Variants in FARSB observed in about 807,000 individuals in gnomAD.
FARSB encodes the protein phenylalanine--tRNA ligase beta subunit.
A neutral mutation model predicts 69.6 loss-of-function variants in FARSB; 40 were observed. The ratio of observed to expected loss-of-function variants is 0.57; its 90% confidence interval spans 0.45 to 0.75. The LOEUF is 0.75. FARSB is among the 30% of genes least tolerant of loss of function. The pLI, the probability that FARSB is intolerant of heterozygous loss-of-function variation, is 0.00. For synonymous variants in FARSB, 235 were observed against 247.2 expected, an observed-to-expected ratio of 0.95 and a Z score of 0.46; for missense variants, 632 against 722.9, an observed-to-expected ratio of 0.87 and a Z score of 1.44.
chr2:222,584,333 A>G (rs1452913989), intron 16 of FARSB, among the ~76,000 whole-genome samples: 1 of 152,220 alleles, frequency 6.6e-6, no homozygotes, highest in Non-Finnish European at 1.5e-5. Flanking sequence ...TTTCCATCCA[A>G]TTCCCCCCAA....
chr2:222,648,854 C>T lies in FARSB; in HGVS notation c.59-59G>A. On this transcript the variant is annotated intron_variant, in intron 1 of 16. Coordinates refer to ENST00000281828, the MANE Select transcript of FARSB (RefSeq NM_005687.5). ...CTCTGTTCAGTATAAGTGAAAACTA[C>T]ATACAAACTGCATTTTCTTATTACT... The T allele has an allele frequency of 3.7e-6, 4 of 1,088,244 alleles. No individual in the cohort carries two copies. The Admixed American group carries it at 5.1e-5, about 14-fold the overall frequency. 67.4% of individuals were successfully genotyped at this position (1,088,244 alleles called of 1,614,324 possible). A position where few individuals can be genotyped will look rare whatever the true frequency, so the allele number is the denominator to read the frequency against.
chr2:222,594,047 G>A (rs1241125947), intron 16 of FARSB, among the ~76,000 whole-genome samples: 1 of 146,598 alleles, frequency 6.8e-6, no homozygotes, highest in Non-Finnish European at 1.5e-5. Flanking sequence ...GTTTGATACC[G>A]GGAGCTTAAG....
chr2:222,623,816 CT>C, intron 12 of FARSB, 86 bp from the exon 13 acceptor site: 1 of 825,374 alleles, frequency 1.2e-6, no homozygotes, highest in Admixed American at 2.3e-5. Context: ...GCCATTAAAA[CT>C]TTTTTAAATA....
intron 14 of FARSB, among the ~76,000 whole-genome samples, chr2:222,619,196 C>A (rs1691076571): frequency 6.7e-6 from 1 of 150,348 alleles, no homozygotes; most frequent in Non-Finnish European, 1.5e-5. Context: ...ATCCCAACTA[C>A]TTGGGAGGCT....
chr2:222,650,716 C>T (rs1692015519), intron 1 of FARSB, among the ~76,000 whole-genome samples: 1 of 152,144 alleles, frequency 6.6e-6, no homozygotes, highest in South Asian at 2.1e-4. Flanking sequence ...CTGCAGCAAT[C>T]ACCTGAGTGA....
chr2:222,599,787 G>T, intron 16 of FARSB, 141 bp downstream of exon 16: 1 of 671,618 alleles, frequency 1.5e-6, no homozygotes. Flanking sequence ...GATATTTTCT[G>T]GATAATATTG....
chr2:222,582,908 G>A (rs1690010474), intron 16 of FARSB, among the ~76,000 whole-genome samples: 1 of 149,802 alleles, frequency 6.7e-6, no homozygotes, highest in Admixed American at 6.7e-5. Flanking sequence ...CTGGCAGACA[G>A]AGCAAGACTA....
chr2:222,620,711 G>A (rs7422214), intron 13 of FARSB, among the ~76,000 whole-genome samples: 19,704 of 152,080 alleles, frequency 0.13, 1,444 homozygotes, highest in African/African-American at 0.19. Flanking sequence ...CATTTAAAAC[G>A]TAACACAAAA....
chr2:222,654,430 C>G (rs905818130), intron 1 of FARSB, among the ~76,000 whole-genome samples: 1 of 152,188 alleles, frequency 6.6e-6, no homozygotes, highest in African/African-American at 2.4e-5. Flanking sequence ...GGTCCCACCC[C>G]CAAAATATCT....
chr2:222,597,293 A>G (rs931051867), intron 16 of FARSB, among the ~76,000 whole-genome samples: 1 of 152,222 alleles, frequency 6.6e-6, no homozygotes, highest in Non-Finnish European at 1.5e-5. Flanking sequence ...ATGACAGCCA[A>G]TGTAGATTCA....
chr2:222,613,435 C>T (rs1574932287), intron 15 of FARSB, among the ~76,000 whole-genome samples: 1 of 152,290 alleles, frequency 6.6e-6, no homozygotes, highest in East Asian at 1.9e-4. Context: ...ATCCCTGCTG[C>T]TTAGGAGGCT....
intron 1 of FARSB, among the ~76,000 whole-genome samples, chr2:222,650,571 C>T (rs1170140984): frequency 2.0e-5 from 3 of 152,084 alleles, no homozygotes; most frequent in East Asian, 1.9e-4. Context: ...GATGACTCCC[C>T]GATCTCTGGT....
At chr2:222,619,580 C>T (rs1451111760) in intron 14 of FARSB, 65 bp downstream of exon 14, 2 of 777,702 alleles carry the variant, frequency 2.6e-6, no homozygotes, top group African/African-American at 3.4e-5. Flanking sequence ...ACTGAAGAGA[C>T]TTTTCCTAAC....
chr2:222,615,787 T>G (rs1317992084), intron 14 of FARSB, among the ~76,000 whole-genome samples: 3 of 152,216 alleles, frequency 2.0e-5, no homozygotes, highest in African/African-American at 4.8e-5. Context: ...CCCATCACAC[T>G]CACTATACCA....
At chr2:222,625,018 C>A (rs1691232535) in intron 10 of FARSB, among the ~76,000 whole-genome samples, 1 of 152,138 alleles carries the variant, frequency 6.6e-6, no homozygotes, top group African/African-American at 2.4e-5. Flanking sequence ...TATAAAATGC[C>A]AAACAATTTT....
At chr2:222,587,343 G>C (rs1288303156) in intron 16 of FARSB, among the ~76,000 whole-genome samples, 1 of 152,144 alleles carries the variant, frequency 6.6e-6, no homozygotes, top group Middle Eastern at 3.2e-3. Context: ...GAATCTCTGG[G>C]ACACATTTAA....
intron 3 of FARSB, among the ~76,000 whole-genome samples, chr2:222,641,397 G>A (rs1330417122): frequency 6.6e-6 from 1 of 152,208 alleles, no homozygotes; most frequent in Non-Finnish European, 1.5e-5. Flanking sequence ...TTGGTAAATG[G>A]TGCATTTTGA....
chr2:222,597,388 A>G (rs533634343), intron 16 of FARSB, among the ~76,000 whole-genome samples: 1 of 152,248 alleles, frequency 6.6e-6, no homozygotes, highest in African/African-American at 2.4e-5. Flanking sequence ...ATTGAACATA[A>G]AGACCTACAA....
At chr2:222,651,157 A>G (rs907636525) in intron 1 of FARSB, among the ~76,000 whole-genome samples, 3 of 152,194 alleles carry the variant, frequency 2.0e-5, no homozygotes, top group Admixed American at 1.3e-4. Flanking sequence ...ATGTTATCAG[A>G]AAGCAGAAGA....
Sources: allele counts gnomAD v4.1 joint callset (sites outside exome capture counted in the v4.1 genomes callset), GRCh38; gene constraint gnomAD v4.1.1; transcripts MANE v1.5; gene names NCBI Gene and HGNC (gene_info 2026-07-23, HGNC 2026-07-21).